The following EFCAB3 variants were observed in gnomAD, a reference collection of about 807,000 sequenced individuals.
EFCAB3 encodes the protein EF-hand calcium binding domain 3.
EFCAB3 carries 36 observed loss-of-function variants against 42.2 expected under a neutral mutation model. That is an observed-to-expected ratio of 0.85 (90% CI 0.65 to 1.13). EFCAB3 has a LOEUF of 1.13. Ranked by LOEUF, EFCAB3 falls within the 50% of genes most tolerant of loss-of-function variation. The pLI, the probability that EFCAB3 is intolerant of heterozygous loss-of-function variation, is 0.00. For missense variants in EFCAB3, 418 were observed against 505.1 expected (o/e 0.83, Z 1.65); for synonymous variants, 170 against 172.8 (o/e 0.98, Z 0.13).
intron 5 of EFCAB3, 50 bp from the exon 6 acceptor site, chr17:62,395,018 T>A: frequency 6.2e-7 from 1 of 1,600,752 alleles, no homozygotes; most frequent in Non-Finnish European, 8.5e-7. Flanking sequence ...GTGGTCAATT[T>A]CTTATTTCAG....
chr17:62,373,761 T>C (rs2070130546), intron 1 of EFCAB3: 2 of 1,036,780 alleles, frequency 1.9e-6, no homozygotes, highest in Admixed American at 2.4e-5. Context: ...ATTTCACAAC[T>C]GTTATGAATT....
At chr17:62,379,505 C>T (rs1256962754), upstream of EFCAB3, among the ~76,000 whole-genome samples, 1 of 151,914 alleles carries the variant, frequency 6.6e-6, no homozygotes, top group African/African-American at 2.4e-5. Flanking sequence ...ATAAATTAAG[C>T]CTTCCCTTTC....
chr17:62,404,423 A>G (rs938965282), intron 6 of EFCAB3, among the ~76,000 whole-genome samples: 1 of 152,176 alleles, frequency 6.6e-6, no homozygotes, highest in Non-Finnish European at 1.5e-5. Context: ...GCTTGAGTCC[A>G]GGAGTTCAAG....
At chr17:62,415,119 CA>C (rs74374642) in intron 9 of EFCAB3, among the ~76,000 whole-genome samples, 1 of 125,940 alleles carries the variant, frequency 7.9e-6, no homozygotes, top group Admixed American at 9.4e-5. Context: ...CAAAAAAAAA[CA>C]AAAAAAAACA....
chr17:62,402,674 C>T (rs2070414259), intron 6 of EFCAB3, among the ~76,000 whole-genome samples: 1 of 152,156 alleles, frequency 6.6e-6, no homozygotes, highest in Admixed American at 6.6e-5. Context: ...TTTTGATGTG[C>T]TGCTGGATTC....
chr17:62,401,845 T>G (rs2070405948), intron 6 of EFCAB3, among the ~76,000 whole-genome samples: 1 of 152,198 alleles, frequency 6.6e-6, no homozygotes, highest in African/African-American at 2.4e-5. Flanking sequence ...GGTAGCTTGA[T>G]GGGGATGGCA....
rs777470263 is a variant in EFCAB3, at chr17:62,393,483, T to C, written c.296-90T>C. On this transcript the variant is annotated intron_variant, in intron 4 of 9. Coordinates refer to ENST00000305286, the MANE Select transcript of EFCAB3 (RefSeq NM_173503.4). ...ATGCTCTGTTTTTAATATTGAATCATCCAGAGTGTTTTAATTTTTATATTT... is the reference window on the plus strand; with the variant it reads ...ATGCTCTGTTTTTAATATTGAATCACCCAGAGTGTTTTAATTTTTATATTT... 7.3e-4 allele frequency: 728 copies of C among 998,564 alleles called. 2 individuals are homozygous for C. Among genetic ancestry groups the C allele is most frequent in the Non-Finnish European group, 1.0e-3 (681 of 677,580 alleles). The allele number at this position is 998,564 out of a possible 1,614,324, so 61.9% of individuals were successfully genotyped here.
upstream of EFCAB3, chr17:62,377,927 CA>C (rs1434480400): frequency 6.0e-6 from 9 of 1,503,124 alleles, no homozygotes; most frequent in African/African-American, 1.3e-4. Context: ...TCCATAACTT[CA>C]GAAATTCATG....
At chr17:62,404,437 G>A (rs2070431228) in intron 6 of EFCAB3, among the ~76,000 whole-genome samples, 1 of 152,154 alleles carries the variant, frequency 6.6e-6, no homozygotes, top group African/African-American at 2.4e-5. Flanking sequence ...GTTCAAGGCT[G>A]TAGTGAGCCT....
chr17:62,378,764 T>A (rs1357280440), upstream of EFCAB3, among the ~76,000 whole-genome samples: 1 of 4,638 alleles, frequency 2.2e-4, no homozygotes, highest in African/African-American at 1.3e-3. Flanking sequence ...CAGGGCCTGT[T>A]GGGGGGTAGG....
intron 9 of EFCAB3, among the ~76,000 whole-genome samples, chr17:62,415,792 A>C (rs2070541901): frequency 6.6e-6 from 1 of 152,154 alleles, no homozygotes; most frequent in Non-Finnish European, 1.5e-5. Flanking sequence ...TATCCTTATA[A>C]AATTTCTTAT....
upstream of EFCAB3, among the ~76,000 whole-genome samples, chr17:62,377,527 T>A (rs1485770143): frequency 2.0e-5 from 3 of 152,268 alleles, no homozygotes; most frequent in African/African-American, 7.2e-5. Context: ...TGAAGGGAGA[T>A]TTTGCAGTTA....
Position 62,407,181 on chromosome 17 carries a change from A to AT in EFCAB3, c.842dup (p.His282ProfsTer2), listed in dbSNP as rs1392375208. On this transcript the variant is annotated frameshift_variant, in exon 8 of 10. Transcript: ENST00000305286. LOFTEE classifies it high-confidence loss of function. Reference sequence around the variant, plus strand: ...GAGCCTTTGCATTTCTTTGAGGATTATTTTTTCCATAAAAGAGACTGGAAA... The same window carrying AT: ...GAGCCTTTGCATTTCTTTGAGGATTATTTTTTTCCATAAAAGAGACTGGAAA... The AT allele has an allele frequency of 6.3e-7, 1 of 1,595,718 alleles. No individual in the cohort carries two copies. Among genetic ancestry groups the AT allele is most frequent in the South Asian group, 1.2e-5 (1 of 86,734 alleles).
At chr17:62,396,802 CG>C (rs940169524) in intron 6 of EFCAB3, among the ~76,000 whole-genome samples, 38 of 151,278 alleles carry the variant, frequency 2.5e-4, no homozygotes, top group Admixed American at 1.5e-3. Flanking sequence ...TCATTTGAGC[CG>C]AGGAATTTGA....
At chr17:62,390,611 C>T (rs1163924992) in intron 3 of EFCAB3, among the ~76,000 whole-genome samples, 2 of 152,160 alleles carry the variant, frequency 1.3e-5, no homozygotes, top group African/African-American at 4.8e-5. Context: ...ATACCTGGTC[C>T]ATGGAAAGCA....
chr17:62,381,468 A>G (rs1407127295), intron 1 of EFCAB3, among the ~76,000 whole-genome samples: 2 of 151,994 alleles, frequency 1.3e-5, no homozygotes, highest in Non-Finnish European at 1.5e-5. Context: ...TCTGGTCCAT[A>G]AGCCCTGTTT....
chr17:62,386,930 A>T (rs900026405), intron 2 of EFCAB3, among the ~76,000 whole-genome samples: 2 of 152,018 alleles, frequency 1.3e-5, no homozygotes, highest in African/African-American at 2.4e-5. Context: ...CTAGGACTAC[A>T]GGCCTGTGCC....
chr17:62,389,335 T>A (rs1028963045), intron 3 of EFCAB3, among the ~76,000 whole-genome samples: 3 of 152,114 alleles, frequency 2.0e-5, no homozygotes, highest in Admixed American at 6.5e-5. Context: ...AATTGGATGG[T>A]TTGCAGAGGA....
upstream of EFCAB3, chr17:62,377,867 C>A: frequency 2.3e-6 from 2 of 883,414 alleles, no homozygotes; most frequent in South Asian, 1.8e-5. Context: ...TTAATTTTTT[C>A]ACTCATCTGG....
Sources: gnomAD v4.1 joint callset for allele counts (sites outside exome capture counted in the v4.1 genomes callset) on GRCh38, gnomAD v4.1.1 for gene constraint, MANE v1.5 for transcripts, NCBI Gene and HGNC (gene_info 2026-07-23, HGNC 2026-07-21) for gene names.